Variants in SH3PXD2B observed in about 807,000 individuals in gnomAD.
The protein encoded by SH3PXD2B is SH3 and PX domain-containing protein 2B.
Under a neutral mutation model 73.1 loss-of-function variants are expected in SH3PXD2B, and 37 were observed. The observed-to-expected ratio is 0.51, with a 90% CI of 0.39 to 0.67. SH3PXD2B has a LOEUF of 0.67. Ranked by LOEUF, SH3PXD2B falls within the 30% of genes least tolerant of loss-of-function variation. SH3PXD2B has a pLI of 0.00. For missense variants in SH3PXD2B, 1,053 were observed against 1,197.8 expected (o/e 0.88, Z 1.78); for synonymous variants, 457 against 480.5 (o/e 0.95, Z 0.64).
intron 2 of SH3PXD2B, among the ~76,000 whole-genome samples, chr5:172,416,674 G>T: frequency 1.8e-5 from 2 of 110,544 alleles, no homozygotes; most frequent in African/African-American, 3.3e-5. Flanking sequence ...CATAGAGACT[G>T]TGAGTCTCTC....
intron 3 of SH3PXD2B, among the ~76,000 whole-genome samples, chr5:172,396,670 G>A (rs1473421079): frequency 6.6e-6 from 1 of 150,668 alleles, no homozygotes; most frequent in Non-Finnish European, 1.5e-5. Flanking sequence ...ATCTAGGCTG[G>A]GTGCGGTGGC....
In SH3PXD2B at chr5:172,334,579, A is replaced by G; in HGVS notation, c.*3790T>C. The G allele has an allele frequency of 2.0e-6, 2 of 985,542 alleles. No individual in the cohort carries two copies. Among genetic ancestry groups the G allele is most frequent in the Non-Finnish European group, 2.4e-6 (2 of 829,992 alleles). 61.0% of individuals were successfully genotyped at this position (985,542 alleles called of 1,614,324 possible). On this transcript the variant is annotated 3_prime_UTR_variant, in exon 13 of 13. Transcript: ENST00000311601. ...GTCCACTGTCACAGTCCAAAGAGAA[A>G]GGTACGGCCTCCAAGGGGGCAGCTT...
At chr5:172,425,163 C>G (rs1270729555) in intron 1 of SH3PXD2B, among the ~76,000 whole-genome samples, 1 of 152,040 alleles carries the variant, frequency 6.6e-6, no homozygotes, top group Non-Finnish European at 1.5e-5. Flanking sequence ...TAGCTTTCCA[C>G]CCTGCTTCAC....
At chr5:172,358,930 G>A in intron 7 of SH3PXD2B, 53 bp from the exon 8 acceptor site, 2 of 1,522,016 alleles carry the variant, frequency 1.3e-6, no homozygotes, top group South Asian at 1.2e-5. Context: ...ATGAGGCCGG[G>A]GGTCAGAACA....
Position 172,336,242 on chromosome 5 carries a change from T to C in SH3PXD2B, c.*2127A>G, listed in dbSNP as rs28620195. Reference sequence around the variant, plus strand: ...TTTTGAAATGCAGTCAAATCTCACATAGCTTCACAAAAGTTGTTTAAACCA... The same window carrying C: ...TTTTGAAATGCAGTCAAATCTCACACAGCTTCACAAAAGTTGTTTAAACCA... On this transcript the variant is annotated 3_prime_UTR_variant, in exon 13 of 13. Coordinates refer to ENST00000311601, the MANE Select transcript of SH3PXD2B (RefSeq NM_001017995.3). 2 of 985,382 alleles carry C rather than the reference T, an allele frequency of 2.0e-6. No individual in the cohort carries two copies. The highest frequency in any genetic ancestry group is 1.1e-4 in the East Asian group (1 of 8,832). 61.0% of individuals were successfully genotyped at this position (985,382 alleles called of 1,614,324 possible). A position where few individuals can be genotyped will look rare whatever the true frequency, so the allele number is the denominator to read the frequency against.
rs531663178 is a variant in SH3PXD2B at position 172,382,594 on chromosome 5, C to T, written c.310-467G>A. 2.0e-5 allele frequency among the ~76,000 whole-genome samples: 3 copies of T among 151,322 alleles called. No homozygotes were observed. The East Asian group carries it at 5.8e-4, about 29-fold the overall frequency. On this transcript the variant is annotated intron_variant, in intron 4 of 12. Coordinates refer to ENST00000311601, the MANE Select transcript of SH3PXD2B (RefSeq NM_001017995.3). ...ACACACACACACAATGTATGATATACACGCATATATTATAGGCATATTTGT... is the reference window on the plus strand; with the variant it reads ...ACACACACACACAATGTATGATATATACGCATATATTATAGGCATATTTGT...
chr5:172,420,418 A>G (rs1415774491), intron 2 of SH3PXD2B, among the ~76,000 whole-genome samples: 4 of 152,182 alleles, frequency 2.6e-5, no homozygotes, highest in African/African-American at 9.7e-5. Flanking sequence ...GGAACACATT[A>G]TTTCCCCTCC....
intron 2 of SH3PXD2B, among the ~76,000 whole-genome samples, chr5:172,409,179 C>T (rs6869674): frequency 0.042 from 6,361 of 152,024 alleles, 423 homozygotes; most frequent in African/African-American, 0.14. Flanking sequence ...GTCAGGAGAT[C>T]GAGACCAGCC....
chr5:172,438,015 G>A (rs890224475), intron 1 of SH3PXD2B, among the ~76,000 whole-genome samples: 2 of 152,132 alleles, frequency 1.3e-5, no homozygotes, highest in Non-Finnish European at 2.9e-5. Context: ...AGCTCTGCTC[G>A]AAGGGCCTCA....
rs1239227562 is a variant in SH3PXD2B at position 172,347,347 on chromosome 5, G to T, written c.1013-15C>A. The T allele has an allele frequency of 1.9e-6, 3 of 1,613,794 alleles. No homozygotes were observed. Among genetic ancestry groups the T allele is most frequent in the Non-Finnish European group, 2.5e-6 (3 of 1,179,866 alleles). On this transcript the variant is annotated splice_polypyrimidine_tract_variant and intron_variant, in intron 10 of 12. Coordinates refer to ENST00000311601, the MANE Select transcript of SH3PXD2B (RefSeq NM_001017995.3). ...CTTTGGTGATCCTATGGAGAAATGAGAGCTTATTACATCTTGTGCTACAGA... is the reference window on the plus strand; with the variant it reads ...CTTTGGTGATCCTATGGAGAAATGATAGCTTATTACATCTTGTGCTACAGA...
At chr5:172,385,447 C>A (rs894756047) in intron 4 of SH3PXD2B, among the ~76,000 whole-genome samples, 2 of 152,202 alleles carry the variant, frequency 1.3e-5, no homozygotes, top group African/African-American at 4.8e-5. Flanking sequence ...CCAGGAAAGG[C>A]TGACTGCAAA....
In SH3PXD2B at chr5:172,394,196, C is replaced by T. The variant is rs1172978325; in HGVS notation, c.309+367G>A. Among the ~76,000 whole-genome samples the T allele has an allele frequency of 3.3e-5, 5 of 152,300 alleles. No individual in the cohort carries two copies. The East Asian group carries it at 5.8e-4, about 18-fold the overall frequency. Reference sequence around the variant, plus strand: ...CTGACTTCAAGTGATCCACCTGCCTCGGCCTCCCAAAATGCTGGGATTATA... The same window carrying T: ...CTGACTTCAAGTGATCCACCTGCCTTGGCCTCCCAAAATGCTGGGATTATA... On this transcript the variant is annotated intron_variant, in intron 4 of 12. Coordinates refer to ENST00000311601, the MANE Select transcript of SH3PXD2B (RefSeq NM_001017995.3).
intron 2 of SH3PXD2B, among the ~76,000 whole-genome samples, chr5:172,410,498 G>A (rs1195152887): frequency 2.6e-5 from 4 of 152,106 alleles, no homozygotes; most frequent in African/African-American, 7.2e-5. Flanking sequence ...CAATAAAAAC[G>A]GGCTGAACTT....
At chr5:172,366,617 A>AT (rs1554136762) in intron 6 of SH3PXD2B, among the ~76,000 whole-genome samples, 6 of 151,818 alleles carry the variant, frequency 4.0e-5, no homozygotes, top group South Asian at 4.2e-4. Context: ...TTATTTATTT[A>AT]TTTATTTTAT....
chr5:172,442,702 A>AATG (rs1183503025), intron 1 of SH3PXD2B, among the ~76,000 whole-genome samples: 5 of 152,308 alleles, frequency 3.3e-5, no homozygotes, highest in Admixed American at 2.0e-4. Context: ...TAGTCAGATA[A>AATG]ATGATGATGA....
At chr5:172,362,974 G>A in intron 6 of SH3PXD2B, 105 bp from the exon 7 acceptor site, 2 of 1,441,680 alleles carry the variant, frequency 1.4e-6, no homozygotes, top group Non-Finnish European at 1.9e-6. Context: ...TAAAAAAGCA[G>A]CAGTTACAGG....
At chr5:172,410,079 C>G (rs1561928076) in intron 2 of SH3PXD2B, among the ~76,000 whole-genome samples, 2 of 152,214 alleles carry the variant, frequency 1.3e-5, no homozygotes, top group Non-Finnish European at 2.9e-5. Flanking sequence ...CACACCTTGG[C>G]TGCTGTGACT....
chr5:172,382,156 A>G (rs1757963311), intron 4 of SH3PXD2B, 29 bp from the exon 5 acceptor site: 9 of 1,566,036 alleles, frequency 5.7e-6, no homozygotes, highest in South Asian at 1.2e-5. Context: ...GGTGAGTGCA[A>G]AGGAGGAGAG....
At chr5:172,352,110 G>A (rs926130027) in intron 9 of SH3PXD2B, among the ~76,000 whole-genome samples, 3 of 152,202 alleles carry the variant, frequency 2.0e-5, no homozygotes, top group African/African-American at 7.2e-5. Flanking sequence ...GAGACCTTGA[G>A]TCTAATTAAG....
Sources: allele counts gnomAD v4.1 joint callset (sites outside exome capture counted in the v4.1 genomes callset), GRCh38; gene constraint gnomAD v4.1.1; transcripts MANE v1.5; gene names NCBI Gene and HGNC (gene_info 2026-07-23, HGNC 2026-07-21).